Variants in CFAP95 observed in about 807,000 individuals in gnomAD.
The protein encoded by CFAP95 is cilia and flagella associated protein 95.
At chr9:69,856,325 C>G in the CFAP95 span, among the ~76,000 whole-genome samples, 1 of 152,170 alleles carries the variant, frequency 6.6e-6, no homozygotes, top group Non-Finnish European at 1.5e-5. Flanking sequence ...GCAGTTCTTT[C>G]TGTTTCATAG....
chr9:69,874,791 C>T, the CFAP95 span, among the ~76,000 whole-genome samples: 7 of 152,156 alleles, frequency 4.6e-5, no homozygotes, highest in African/African-American at 1.7e-4. Flanking sequence ...ACCTAAGAGC[C>T]ACGAGTAGGG....
chr9:69,878,409 A>G, the CFAP95 span, among the ~76,000 whole-genome samples: 6 of 152,054 alleles, frequency 3.9e-5, no homozygotes, highest in African/African-American at 9.7e-5. Context: ...CCTGCTAGAG[A>G]CTTGCCACCT....
chr9:69,898,192 G>A, the CFAP95 span, among the ~76,000 whole-genome samples: 1 of 152,106 alleles, frequency 6.6e-6, no homozygotes, highest in South Asian at 2.1e-4. Flanking sequence ...TCTGGGTTAG[G>A]CTTCTTTGGA....
At chr9:69,825,544 C>T in the CFAP95 span, among the ~76,000 whole-genome samples, 1 of 152,212 alleles carries the variant, frequency 6.6e-6, no homozygotes. Flanking sequence ...ACCCTTATCA[C>T]ACCTTGATGC....
chr9:69,822,780 G>A, the CFAP95 span, among the ~76,000 whole-genome samples: 1 of 152,236 alleles, frequency 6.6e-6, no homozygotes, highest in African/African-American at 2.4e-5. Flanking sequence ...GTGGAACGCT[G>A]TAAGTCATTC....
chr9:69,822,566 A>G, the CFAP95 span, among the ~76,000 whole-genome samples: 3 of 152,246 alleles, frequency 2.0e-5, no homozygotes, highest in Non-Finnish European at 4.4e-5. Context: ...CTGTTACCCC[A>G]CAGAGATTTG....
the CFAP95 span, among the ~76,000 whole-genome samples, chr9:69,864,582 G>A: frequency 6.6e-6 from 1 of 152,100 alleles, no homozygotes; most frequent in African/African-American, 2.4e-5. Flanking sequence ...TGCATAAATG[G>A]GCAAGTTAAA....
At chr9:69,895,335 G>GTGTCTC in the CFAP95 span, among the ~76,000 whole-genome samples, 1 of 121,202 alleles carries the variant, frequency 8.3e-6, no homozygotes, top group Non-Finnish European at 1.7e-5. Flanking sequence ...CTTAAAATCA[G>GTGTCTC]TCTCTCTCTC....
chr9:69,895,367 C>CTGTGTGTGTGTGTG, the CFAP95 span, among the ~76,000 whole-genome samples: 14 of 111,280 alleles, frequency 1.3e-4, no homozygotes, highest in African/African-American at 2.6e-4. Flanking sequence ...CTCTCTCTCT[C>CTGTGTGTGTGTGTG]TCTGTGTGTG....
At chr9:69,821,545 C>A in the CFAP95 span, among the ~76,000 whole-genome samples, 2 of 152,172 alleles carry the variant, frequency 1.3e-5, no homozygotes, top group African/African-American at 4.8e-5. Flanking sequence ...AGGGGCACAG[C>A]AGGAGGGAGA....
At chr9:69,898,923 A>G in the CFAP95 span, among the ~76,000 whole-genome samples, 1 of 151,748 alleles carries the variant, frequency 6.6e-6, no homozygotes, top group Admixed American at 6.6e-5. Context: ...CAGTGTTATT[A>G]TAACTCTCCT....
At chr9:69,837,457 T>G in the CFAP95 span, among the ~76,000 whole-genome samples, 1 of 152,192 alleles carries the variant, frequency 6.6e-6, no homozygotes, top group African/African-American at 2.4e-5. Context: ...ATTGTGGTTT[T>G]GATTTGCATT....
the CFAP95 span, among the ~76,000 whole-genome samples, chr9:69,893,217 A>C: frequency 0.63 from 96,231 of 151,996 alleles, 30,769 homozygotes; most frequent in East Asian, 0.82. Context: ...CTCATCCCAG[A>C]CTCTGCACTC....
At chr9:69,844,634 T>C in the CFAP95 span, 1 of 1,574,016 alleles carries the variant, frequency 6.4e-7, no homozygotes, top group Non-Finnish European at 8.6e-7. Flanking sequence ...CAGTAAGTAG[T>C]TGCTATTACT....
chr9:69,847,685 C>A, the CFAP95 span, among the ~76,000 whole-genome samples: 1 of 152,280 alleles, frequency 6.6e-6, no homozygotes, highest in African/African-American at 2.4e-5. Flanking sequence ...TGCTGGCTAG[C>A]CCTATTCCCA....
At chr9:69,840,114 G>A in the CFAP95 span, among the ~76,000 whole-genome samples, 1 of 151,606 alleles carries the variant, frequency 6.6e-6, no homozygotes, top group South Asian at 2.1e-4. Context: ...TTCTTACTGG[G>A]GACTGTAGTT....
the CFAP95 span, among the ~76,000 whole-genome samples, chr9:69,878,999 G>T: frequency 3.2e-3 from 493 of 152,222 alleles, 5 homozygotes; most frequent in African/African-American, 0.011. Flanking sequence ...GATAGTGCGA[G>T]AACTCACTCA....
the CFAP95 span, among the ~76,000 whole-genome samples, chr9:69,886,291 A>T: frequency 1.3e-5 from 2 of 152,290 alleles, no homozygotes; most frequent in Non-Finnish European, 2.9e-5. Flanking sequence ...TGCTTCCTTT[A>T]AGCACTTTAG....
chr9:69,822,821 A>T, the CFAP95 span, among the ~76,000 whole-genome samples: 4 of 152,340 alleles, frequency 2.6e-5, no homozygotes, highest in South Asian at 8.3e-4. Flanking sequence ...GCGGGACCTC[A>T]TGCGTTGGTT....
Sources: gnomAD v4.1 joint callset for allele counts (sites outside exome capture counted in the v4.1 genomes callset) on GRCh38, gnomAD v4.1.1 for gene constraint, MANE v1.5 for transcripts, NCBI Gene and HGNC (gene_info 2026-07-23, HGNC 2026-07-21) for gene names.